Variants in MAPK10 observed in about 807,000 individuals in gnomAD.
The protein encoded by MAPK10 is mitogen-activated protein kinase 10.
A neutral mutation model predicts 59.3 loss-of-function variants in MAPK10; 25 were observed. The observed-to-expected ratio is 0.42, with a 90% CI of 0.31 to 0.59. The LOEUF (loss-of-function observed/expected upper bound fraction) is 0.59, where lower values mean the gene tolerates loss of function less well. Among genes scored for constraint, MAPK10 ranks in the 20% least tolerant of loss-of-function variants. The pLI is 0.15. For synonymous variants in MAPK10, 190 were observed against 200.5 expected, an observed-to-expected ratio of 0.95 and a Z score of 0.44; for missense variants, 351 against 568.9, an observed-to-expected ratio of 0.62 and a Z score of 3.90.
chr4:86,305,876 A>C (rs1322343224), intron 2 of MAPK10, among the ~76,000 whole-genome samples: 1 of 152,092 alleles, frequency 6.6e-6, no homozygotes, highest in East Asian at 1.9e-4. Context: ...GACAAGCAGG[A>C]GTCTATTGTA....
intron 9 of MAPK10, chr4:86,089,390 G>C: frequency 1.4e-6 from 1 of 691,472 alleles, no homozygotes; most frequent in Non-Finnish European, 2.5e-6. Flanking sequence ...TTCACTGACT[G>C]GATGAGAGGC....
intron 9 of MAPK10, chr4:86,089,461 C>A: frequency 2.0e-6 from 1 of 506,950 alleles, no homozygotes; most frequent in Non-Finnish European, 3.5e-6. Flanking sequence ...CTCTCAAGGC[C>A]CTTTTCTGTC....
At chr4:86,308,062 A>G (rs1208353325) in intron 2 of MAPK10, among the ~76,000 whole-genome samples, 2 of 152,196 alleles carry the variant, frequency 1.3e-5, no homozygotes, top group Non-Finnish European at 2.9e-5. Context: ...AAAATGACTC[A>G]GATTCTGACA....
chr4:86,086,593 T>G (rs978877425), intron 9 of MAPK10, among the ~76,000 whole-genome samples: 3 of 152,112 alleles, frequency 2.0e-5, no homozygotes, highest in African/African-American at 7.2e-5. Flanking sequence ...TTCCAAGAGC[T>G]TTTAGAAATC....
chr4:86,461,999 T>C (rs914869044), intron 1 of MAPK10, among the ~76,000 whole-genome samples: 3 of 152,236 alleles, frequency 2.0e-5, no homozygotes. Context: ...GGAAATGCCA[T>C]GCAGGGCCCA....
intron 2 of MAPK10, among the ~76,000 whole-genome samples, chr4:86,298,106 G>A (rs970139231): frequency 1.3e-5 from 2 of 152,034 alleles, no homozygotes; most frequent in African/African-American, 4.8e-5. Flanking sequence ...TAAGACTCTT[G>A]GATGTCCATT....
At chr4:86,117,798 G>A (rs1358970192) in intron 4 of MAPK10, 1 of 152,228 alleles carries the variant, frequency 6.6e-6, no homozygotes, top group African/African-American at 2.4e-5. Context: ...GTTAAGAGGA[G>A]GAGTGGAAGC....
At chr4:86,070,284 G>C (rs1347897315) in intron 9 of MAPK10, among the ~76,000 whole-genome samples, 1 of 151,226 alleles carries the variant, frequency 6.6e-6, no homozygotes, top group African/African-American at 2.4e-5. Flanking sequence ...TTGTTTTCTA[G>C]ATGTTCATAG....
At chr4:86,313,220 T>C (rs2095707608) in intron 2 of MAPK10, among the ~76,000 whole-genome samples, 1 of 152,092 alleles carries the variant, frequency 6.6e-6, no homozygotes, top group Admixed American at 6.6e-5. Context: ...TAATATAAAC[T>C]CTAATCTTTC....
intron 4 of MAPK10, among the ~76,000 whole-genome samples, chr4:86,133,739 C>T (rs370678589): frequency 2.6e-5 from 4 of 152,188 alleles, no homozygotes; most frequent in Non-Finnish European, 4.4e-5. Context: ...GTGGCTCCAA[C>T]TGAGATTAAG....
chr4:86,214,587 G>A (rs138066796), intron 2 of MAPK10, among the ~76,000 whole-genome samples: 101 of 143,696 alleles, frequency 7.0e-4, no homozygotes, highest in East Asian at 6.9e-3. Context: ...CAAAGTTAAC[G>A]CGCAAAAATC....
chr4:86,293,187 A>G (rs1418998172), intron 2 of MAPK10, among the ~76,000 whole-genome samples: 1 of 152,222 alleles, frequency 6.6e-6, no homozygotes, highest in Non-Finnish European at 1.5e-5. Context: ...TAATGTTCCA[A>G]AATGTCCCCT....
chr4:86,235,829 T>C (rs1029612021), intron 2 of MAPK10, among the ~76,000 whole-genome samples: 2 of 152,200 alleles, frequency 1.3e-5, no homozygotes, highest in Admixed American at 6.5e-5. Flanking sequence ...TTGATTCATG[T>C]CTTGTATTAG....
chr4:86,259,345 C>T (rs1439412826), intron 2 of MAPK10, among the ~76,000 whole-genome samples: 1 of 152,106 alleles, frequency 6.6e-6, no homozygotes, highest in East Asian at 1.9e-4. Context: ...GGAGGTCCCA[C>T]AGACAACACA....
rs960587994 is a variant in MAPK10 at position 86,573,578 on chromosome 4, T to C, written c.-263+20332A>G. Among the ~76,000 whole-genome samples the C allele has an allele frequency of 1.6e-4, 24 of 152,212 alleles. 1 individual carries two copies. Among genetic ancestry groups the C allele is most frequent in the Admixed American group, 1.6e-3 (24 of 15,278 alleles). On this transcript the variant is annotated intron_variant, in intron 1 of 4. Coordinates refer to the MAPK10 transcript ENST00000502302. ...AATCATTTTGCTTATACGAGGTCCT[T>C]TGCATTTCCAAACAAAGTTTAGAAT...
At chr4:86,479,986 A>AC (rs755031909) in intron 1 of MAPK10, among the ~76,000 whole-genome samples, 18 of 150,412 alleles carry the variant, frequency 1.2e-4, no homozygotes, top group Non-Finnish European at 2.1e-4. Context: ...TCTCCATACC[A>AC]CCCCCAAAAA....
At chr4:86,219,326 G>A (rs1157428012) in intron 2 of MAPK10, among the ~76,000 whole-genome samples, 1 of 152,070 alleles carries the variant, frequency 6.6e-6, no homozygotes, top group Non-Finnish European at 1.5e-5. Context: ...TGAGTCACAA[G>A]TACAAACACT....
At chr4:86,127,724 T>C (rs1416958412) in intron 4 of MAPK10, 3 of 152,072 alleles carry the variant, frequency 2.0e-5, no homozygotes, top group Admixed American at 2.0e-4. Flanking sequence ...ATAGATTTTG[T>C]TCTCTTTACC....
At chr4:86,272,187 G>A (rs113701214) in intron 2 of MAPK10, among the ~76,000 whole-genome samples, 39 of 152,070 alleles carry the variant, frequency 2.6e-4, no homozygotes, top group African/African-American at 7.2e-4. Context: ...TTTTATGACT[G>A]CATAGTAGCT....
Sources: allele counts gnomAD v4.1 joint callset (sites outside exome capture counted in the v4.1 genomes callset), GRCh38; gene constraint gnomAD v4.1.1; transcripts MANE v1.5; gene names NCBI Gene and HGNC (gene_info 2026-07-23, HGNC 2026-07-21).